The following P2RY12 variants were observed in gnomAD, a reference collection of about 807,000 sequenced individuals.
The protein encoded by P2RY12 is P2Y purinoceptor 12.
A neutral mutation model predicts 4.5 loss-of-function variants in P2RY12; 3 were observed. The observed-to-expected ratio is 0.67, with a 90% CI of 0.31 to 1.74. The LOEUF (loss-of-function observed/expected upper bound fraction) is 1.74, where lower values mean the gene tolerates loss of function less well. Ranked by LOEUF, P2RY12 falls within the 40% of genes most tolerant of loss-of-function variation. P2RY12 has a pLI of 0.09. For synonymous variants in P2RY12, 148 were observed against 154.1 expected, an observed-to-expected ratio of 0.96 and a Z score of 0.29; for missense variants, 356 against 407.8, an observed-to-expected ratio of 0.87 and a Z score of 1.09.
At chr3:151,367,366 T>A (rs1008443687) in intron 1 of P2RY12, among the ~76,000 whole-genome samples, 1 of 152,232 alleles carries the variant, frequency 6.6e-6, no homozygotes, top group African/African-American at 2.4e-5. Context: ...AGTGATTTCC[T>A]GATTTTCCAT....
At chr3:151,376,671 G>T in intron 1 of P2RY12, 1 of 752,052 alleles carries the variant, frequency 1.3e-6, no homozygotes, top group South Asian at 1.8e-5. Flanking sequence ...GGAACCTTTT[G>T]ACTCATATAA....
chr3:151,371,011 C>T (rs1401946905), intron 1 of P2RY12, among the ~76,000 whole-genome samples: 1 of 152,194 alleles, frequency 6.6e-6, no homozygotes, highest in East Asian at 1.9e-4. Flanking sequence ...ACTGAACGCT[C>T]AAATGTATTC....
chr3:151,344,333 C>G (rs183088984), intron 1 of P2RY12, among the ~76,000 whole-genome samples: 49 of 151,746 alleles, frequency 3.2e-4, no homozygotes, highest in Non-Finnish European at 6.5e-4. Flanking sequence ...TTTCTTCATT[C>G]CTGTAACAGT....
chr3:151,370,092 A>G (rs946894905), intron 1 of P2RY12, among the ~76,000 whole-genome samples: 2 of 152,196 alleles, frequency 1.3e-5, no homozygotes, highest in Non-Finnish European at 2.9e-5. Context: ...AAGTTTCACA[A>G]TAATTTTTTT....
chr3:151,352,896 T>C (rs1041940005), intron 1 of P2RY12, among the ~76,000 whole-genome samples: 6 of 152,112 alleles, frequency 3.9e-5, no homozygotes, highest in African/African-American at 1.4e-4. Context: ...AAAAGAGCAA[T>C]AATATGTTAT....
chr3:151,378,323 C>A, intron 1 of P2RY12: 1 of 818,966 alleles, frequency 1.2e-6, no homozygotes, highest in Non-Finnish European at 1.8e-6. Context: ...GCAAGGCTGT[C>A]TTATTCCTAA....
intron 1 of P2RY12, chr3:151,376,922 C>G: frequency 6.2e-7 from 1 of 1,609,948 alleles, no homozygotes; most frequent in Non-Finnish European, 8.5e-7. Flanking sequence ...TTATAAAAAG[C>G]AAAAACACGT....
intron 1 of P2RY12, chr3:151,365,717 T>C: frequency 1.3e-6 from 1 of 778,554 alleles, no homozygotes; most frequent in Non-Finnish European, 2.0e-6. Flanking sequence ...ATTTGACAAA[T>C]GAGTATTTTA....
At chr3:151,370,391 T>G (rs1756023438) in intron 1 of P2RY12, among the ~76,000 whole-genome samples, 1 of 152,114 alleles carries the variant, frequency 6.6e-6, no homozygotes, top group African/African-American at 2.4e-5. Flanking sequence ...AAATAACATG[T>G]TTTGGGCTAT....
intron 1 of P2RY12, among the ~76,000 whole-genome samples, chr3:151,351,686 G>T (rs757325611): frequency 6.6e-6 from 1 of 152,148 alleles, no homozygotes; most frequent in African/African-American, 2.4e-5. Context: ...GGGGTAGGGG[G>T]GAGTCAGTAT....
At chr3:151,355,035 G>T (rs970964786) in intron 1 of P2RY12, 1 of 924,488 alleles carries the variant, frequency 1.1e-6, no homozygotes, top group African/African-American at 1.7e-5. Flanking sequence ...CTGTATGTAT[G>T]CTATACTTTA....
intron 1 of P2RY12, among the ~76,000 whole-genome samples, chr3:151,341,950 G>A (rs1162818010): frequency 1.3e-5 from 2 of 152,062 alleles, no homozygotes; most frequent in South Asian, 2.1e-4. Flanking sequence ...GTGTATATGT[G>A]CCACATTTTC....
intron 1 of P2RY12, among the ~76,000 whole-genome samples, chr3:151,369,166 G>A (rs1755865787): frequency 6.6e-6 from 1 of 152,180 alleles, no homozygotes; most frequent in South Asian, 2.1e-4. Flanking sequence ...ATGTGTCTGT[G>A]TGAGAATCAA....
intron 1 of P2RY12, among the ~76,000 whole-genome samples, chr3:151,380,395 G>C (rs528602001): frequency 6.6e-6 from 1 of 152,176 alleles, no homozygotes; most frequent in Admixed American, 6.5e-5. Context: ...CCAGGAGTTC[G>C]AGACCAGCCT....
chr3:151,359,083 T>C (rs1754298576), intron 1 of P2RY12, among the ~76,000 whole-genome samples: 3 of 152,160 alleles, frequency 2.0e-5, no homozygotes, highest in Non-Finnish European at 4.4e-5. Flanking sequence ...CTCTGCTCTC[T>C]GTCTCCCCAC....
intron 1 of P2RY12, chr3:151,377,868 G>A: frequency 1.4e-6 from 1 of 727,066 alleles, no homozygotes; most frequent in Non-Finnish European, 2.0e-6. Flanking sequence ...TCGGAAAAAG[G>A]AAAGATAATA....
chr3:151,374,357 G>A (rs1202369970), intron 1 of P2RY12, among the ~76,000 whole-genome samples: 6 of 152,170 alleles, frequency 3.9e-5, no homozygotes, highest in Non-Finnish European at 8.8e-5. Flanking sequence ...AGACCAGCCT[G>A]GCCAACATGG....
At position 151,338,324 on chromosome 3, in the gene P2RY12, T is replaced by C. The variant is rs1157806680; in HGVS notation, c.522A>G (p.Lys174=). ...CGAACTCTGATTTAAGGAAAGAGCA[T>C]TTCTTCACATTCTTGTCTCTCGGCT... The part of the protein sequence containing the change: ...NRQPRDKNVK[K]CSFLKSEFGL... The change falls in exon 3 of 3, where the codon AAA becomes AAG. Residue 174 remains lysine, a synonymous_variant. Coordinates refer to ENST00000302632, the MANE Select transcript of P2RY12 (RefSeq NM_022788.5). The C allele has an allele frequency of 1.2e-6, 2 of 1,614,132 alleles. No homozygotes were observed. The highest frequency in any genetic ancestry group is 1.7e-6 in the Non-Finnish European group (2 of 1,180,002).
chr3:151,349,923 A>T, intron 1 of P2RY12: 2 of 560,250 alleles, frequency 3.6e-6, no homozygotes, highest in African/African-American at 2.0e-5. Flanking sequence ...GTGGAGGTTG[A>T]GGTGAATTGA....
Sources: gnomAD v4.1 joint callset for allele counts (sites outside exome capture counted in the v4.1 genomes callset) on GRCh38, gnomAD v4.1.1 for gene constraint, MANE v1.5 for transcripts, NCBI Gene and HGNC (gene_info 2026-07-23, HGNC 2026-07-21) for gene names.